GLDN: variants seen among roughly 807,000 people sequenced by gnomAD.
GLDN encodes gliomedin.
GLDN carries 47 observed loss-of-function variants against 56.5 expected under a neutral mutation model. That is an observed-to-expected ratio of 0.83 (90% CI 0.66 to 1.06). GLDN has a LOEUF of 1.06. GLDN is among the 50% of genes least tolerant of loss of function. The pLI is 0.00. For synonymous variants in GLDN, 332 were observed against 278.8 expected, an observed-to-expected ratio of 1.19 and a Z score of -1.90; for missense variants, 782 against 714.3, an observed-to-expected ratio of 1.09 and a Z score of -1.08.
At position 51,407,357 on chromosome 15, in the gene GLDN, T is replaced by C. The variant is rs1266405094; in HGVS notation, c.*2603T>C. On this transcript the variant is annotated 3_prime_UTR_variant, in exon 10 of 10. Coordinates refer to ENST00000335449, the MANE Select transcript of GLDN (RefSeq NM_181789.4). ...TGCTAAAATAGAGTATACAACTGAA[T>C]GTTTTTAAGTCAAGATACTGTTTTA... 6.6e-6 allele frequency: 1 copy of C among 152,248 alleles called. No individual in the cohort carries two copies. Among genetic ancestry groups the C allele is most frequent in the Non-Finnish European group, 1.5e-5 (1 of 68,030 alleles). The allele number at this position is 152,248 out of a possible 1,614,324, so 9.4% of individuals were successfully genotyped here.
intron 1 of GLDN, among the ~76,000 whole-genome samples, chr15:51,368,417 G>A (rs547751378): frequency 6.6e-6 from 1 of 152,030 alleles, no homozygotes; most frequent in South Asian, 2.1e-4. Flanking sequence ...GCAGATCCCT[G>A]GCAGGATGAA....
chr15:51,385,761 A>G (rs900743727), intron 4 of GLDN, among the ~76,000 whole-genome samples: 2 of 152,154 alleles, frequency 1.3e-5, no homozygotes. Flanking sequence ...AGAGTGTGTA[A>G]GCCACCAGGG....
intron 2 of GLDN, among the ~76,000 whole-genome samples, chr15:51,382,307 G>T (rs549110614): frequency 6.6e-6 from 1 of 152,100 alleles, no homozygotes; most frequent in African/African-American, 2.4e-5. Flanking sequence ...GTTTCAAAGA[G>T]TCCATCTTTC....
intron 1 of GLDN, among the ~76,000 whole-genome samples, chr15:51,355,610 G>A (rs866525398): frequency 3.4e-5 from 5 of 146,944 alleles, no homozygotes; most frequent in East Asian, 4.1e-4. Flanking sequence ...TTTAACCTCC[G>A]CCTCCTGGGT....
chr15:51,356,305 G>A (rs187104283), intron 1 of GLDN, among the ~76,000 whole-genome samples: 1 of 152,182 alleles, frequency 6.6e-6, no homozygotes, highest in Admixed American at 6.5e-5. Context: ...AGTCACTCTG[G>A]TTAGAACACC....
chr15:51,391,189 TCAAG>T (rs1461009436), intron 4 of GLDN, among the ~76,000 whole-genome samples: 1 of 152,234 alleles, frequency 6.6e-6, no homozygotes, highest in African/African-American at 2.4e-5. Context: ...AACTACAGCC[TCAAG>T]CAAAGGCCTT....
At chr15:51,347,351 T>G (rs1047564043) in intron 1 of GLDN, among the ~76,000 whole-genome samples, 1 of 152,202 alleles carries the variant, frequency 6.6e-6, no homozygotes, top group African/African-American at 2.4e-5. Flanking sequence ...TGGCCCAGGA[T>G]GGCTTTGAAT....
chr15:51,364,156 C>T lies in GLDN; in HGVS notation c.364-13293C>T, dbSNP rs574537004. Among the ~76,000 whole-genome samples the T allele has an allele frequency of 7.9e-5, 12 of 152,186 alleles. No individual in the cohort carries two copies. In the East Asian group the frequency reaches 2.1e-3, roughly 27 times the overall value. On this transcript the variant is annotated intron_variant, in intron 1 of 9. Transcript: ENST00000335449. The stretch of plus-strand genomic sequence containing the variant: ...TTTGGAATTTTTTTTGCCATTGGTA[C>T]TTCAGAAAAGTTTCCGTCCTCCCTG...
At chr15:51,401,480 T>C in intron 8 of GLDN, 113 bp from the exon 9 acceptor site, 5 of 907,954 alleles carry the variant, frequency 5.5e-6, no homozygotes, top group Non-Finnish European at 8.8e-6. Flanking sequence ...CAAGGGACCT[T>C]AGGGAACATT....
chr15:51,390,791 G>C (rs1424114168), intron 4 of GLDN, among the ~76,000 whole-genome samples: 1 of 152,124 alleles, frequency 6.6e-6, no homozygotes, highest in African/African-American at 2.4e-5. Flanking sequence ...AAAAACAGTA[G>C]AGAGCCACTC....
chr15:51,359,277 A>G (rs2037245875), intron 1 of GLDN, among the ~76,000 whole-genome samples: 1 of 152,240 alleles, frequency 6.6e-6, no homozygotes, highest in South Asian at 2.1e-4. Flanking sequence ...ATGGATATGT[A>G]GACGTCTTAC....
At chr15:51,409,962 G>T (rs1026211831), downstream of GLDN, among the ~76,000 whole-genome samples, 1 of 152,178 alleles carries the variant, frequency 6.6e-6, no homozygotes, top group Non-Finnish European at 1.5e-5. Context: ...TCATCTTGCA[G>T]AGAAGTTCCA....
At chr15:51,411,868 A>G (rs938823418), downstream of GLDN, among the ~76,000 whole-genome samples, 2 of 152,228 alleles carry the variant, frequency 1.3e-5, no homozygotes, top group Non-Finnish European at 2.9e-5. Context: ...TGGGATAATC[A>G]TGCTACCTCA....
At position 51,407,691 on chromosome 15, in the gene GLDN, G is replaced by C. The variant is rs992164854; in HGVS notation, c.*2937G>C. 1 of 152,224 alleles carries C rather than the reference G, an allele frequency of 6.6e-6. No homozygotes were observed. The highest frequency in any genetic ancestry group is 2.4e-5 in the African/African-American group (1 of 41,450). The allele number at this position is 152,224 out of a possible 1,614,324, so 9.4% of individuals were successfully genotyped here. A position where few individuals can be genotyped will look rare whatever the true frequency, so the allele number is the denominator to read the frequency against. Reference sequence around the variant, plus strand: ...TCTGGGGTGGAAGTTTTAAGATGAGGAGTTCTGATCTTAGGCATCTTAACA... The same window carrying C: ...TCTGGGGTGGAAGTTTTAAGATGAGCAGTTCTGATCTTAGGCATCTTAACA... On this transcript the variant is annotated 3_prime_UTR_variant, in exon 10 of 10. Transcript: ENST00000335449.
At chr15:51,349,758 T>C (rs1301158415) in intron 1 of GLDN, among the ~76,000 whole-genome samples, 5 of 151,754 alleles carry the variant, frequency 3.3e-5, no homozygotes, top group Non-Finnish European at 7.4e-5. Flanking sequence ...TTTTTTTTTT[T>C]AGACAGAGTC....
intron 9 of GLDN, among the ~76,000 whole-genome samples, chr15:51,402,015 C>T (rs956624064): frequency 3.9e-5 from 6 of 152,226 alleles, no homozygotes; most frequent in African/African-American, 9.6e-5. Context: ...GGAGTGGTGA[C>T]GGCCGCAGCT....
intron 6 of GLDN, among the ~76,000 whole-genome samples, chr15:51,398,645 G>A (rs188409309): frequency 2.0e-3 from 304 of 152,340 alleles, no homozygotes; most frequent in Non-Finnish European, 3.0e-3. Context: ...GGGCGAATCT[G>A]TGCTTTCGAA....
At chr15:51,357,275 T>C (rs2037203088) in intron 1 of GLDN, among the ~76,000 whole-genome samples, 1 of 152,210 alleles carries the variant, frequency 6.6e-6, no homozygotes. Flanking sequence ...CACTTGCCAC[T>C]GTGGTCCACG....
intron 1 of GLDN, chr15:51,367,260 C>T (rs2445782): frequency 0.18 from 26,747 of 152,228 alleles, 2,629 homozygotes; most frequent in East Asian, 0.44. Context: ...GTTCCCAATG[C>T]TAATCATTGT....
Sources: gnomAD v4.1 joint callset for allele counts (sites outside exome capture counted in the v4.1 genomes callset) on GRCh38, gnomAD v4.1.1 for gene constraint, MANE v1.5 for transcripts, NCBI Gene and HGNC (gene_info 2026-07-23, HGNC 2026-07-21) for gene names.